The following KIF21A variants were observed in gnomAD, a reference collection of about 807,000 sequenced individuals.
KIF21A encodes the protein kinesin family member 21A.
In KIF21A, 114 loss-of-function variants were observed where a neutral mutation model predicts 202.9. The ratio of observed to expected loss-of-function variants is 0.56; its 90% CI spans 0.48 to 0.66. The LOEUF is 0.66. Among genes scored for constraint, KIF21A ranks in the 30% least tolerant of loss-of-function variants. KIF21A has a pLI of 0.00. For missense variants in KIF21A, 1,677 were observed against 1,994.9 expected (o/e 0.84, Z 3.04); for synonymous variants, 667 against 670.8 (o/e 0.99, Z 0.09).
At chr12:39,339,266 T>A (rs143094562) in intron 16 of KIF21A, among the ~76,000 whole-genome samples, 31 of 152,178 alleles carry the variant, frequency 2.0e-4, no homozygotes, top group South Asian at 8.3e-4. Flanking sequence ...ACCATTTTTT[T>A]ATCTTTTTTA....
intron 1 of KIF21A, among the ~76,000 whole-genome samples, chr12:39,402,039 AAAAC>A (rs371408478): frequency 1.1e-3 from 165 of 152,326 alleles, no homozygotes; most frequent in African/African-American, 3.7e-3. Context: ...TGATAAAACA[AAAAC>A]AAAATCAAAC....
intron 37 of KIF21A, among the ~76,000 whole-genome samples, chr12:39,296,766 G>A (rs1381282675): frequency 6.6e-6 from 1 of 152,190 alleles, no homozygotes; most frequent in Non-Finnish European, 1.5e-5. Flanking sequence ...AAAAGGACAA[G>A]CCAGAGGGTA....
At chr12:39,433,467 AG>A (rs1938241342) in intron 1 of KIF21A, among the ~76,000 whole-genome samples, 1 of 152,222 alleles carries the variant, frequency 6.6e-6, no homozygotes, top group Non-Finnish European at 1.5e-5. Flanking sequence ...TCCACAGCCT[AG>A]TGTAATACTT....
chr12:39,351,957 G>A lies in KIF21A; in HGVS notation c.1493C>T (p.Ala498Val). 6.2e-7 allele frequency: 1 copy of A among 1,612,802 alleles called. No individual in the cohort carries two copies. Among genetic ancestry groups the A allele is most frequent in the Non-Finnish European group, 8.5e-7 (1 of 1,179,092 alleles). Residue 498 changes from alanine (A) to valine (V), a missense_variant, in exon 11 of 38, where the codon GCA becomes GTA. By Grantham distance (64) the Ala-to-Val change is moderately conservative. Coordinates refer to ENST00000361418, the MANE Select transcript of KIF21A (RefSeq NM_001173464.2). ...DLRAKLLESEAVNENLRKNLT... is the reference protein window; with the variant it reads ...DLRAKLLESEVVNENLRKNLT... The stretch of plus-strand genomic sequence containing the variant: ...GTTTTTTCGAAGGTTCTCATTCACT[G>A]CTTCACTTTCTAATAATTTTGCCCT...
chr12:39,312,044 G>C (rs1040365383), intron 31 of KIF21A: 2 of 154,342 alleles, frequency 1.3e-5, no homozygotes, highest in African/African-American at 4.8e-5. Context: ...TGAATGAAAA[G>C]AAATTCTAAA....
chr12:39,383,792 T>C (rs1423732836), intron 1 of KIF21A, among the ~76,000 whole-genome samples: 1 of 151,822 alleles, frequency 6.6e-6, no homozygotes, highest in African/African-American at 2.4e-5. Context: ...GAATGAGACA[T>C]CTCAAAAAAA....
intron 27 of KIF21A, chr12:39,321,281 A>C (rs369324840): frequency 2.2e-4 from 34 of 152,346 alleles, no homozygotes; most frequent in African/African-American, 7.9e-4. Flanking sequence ...GGCAGAGCCC[A>C]AAAGATATTT....
At chr12:39,385,182 C>T (rs1348848822) in intron 1 of KIF21A, among the ~76,000 whole-genome samples, 1 of 152,078 alleles carries the variant, frequency 6.6e-6, no homozygotes, top group Admixed American at 6.6e-5. Context: ...ACAGTTCTTT[C>T]TCAGGAACTA....
chr12:39,320,840 C>A (rs1377497176), intron 27 of KIF21A, among the ~76,000 whole-genome samples: 2 of 140,270 alleles, frequency 1.4e-5, no homozygotes, highest in Non-Finnish European at 1.5e-5. Context: ...GAGGCTGAGG[C>A]AGGAGAATCG....
chr12:39,347,655 C>T (rs1046498963), intron 11 of KIF21A, among the ~76,000 whole-genome samples: 5 of 151,932 alleles, frequency 3.3e-5, no homozygotes, highest in East Asian at 1.9e-4. Context: ...CATTATAAGA[C>T]GAGACTAGCA....
At chr12:39,359,371 T>C (rs1044470155) in intron 7 of KIF21A, among the ~76,000 whole-genome samples, 11 of 152,172 alleles carry the variant, frequency 7.2e-5, no homozygotes, top group Non-Finnish European at 1.5e-4. Flanking sequence ...TCTTTTGCAT[T>C]CTTTATATTA....
chr12:39,325,008 AT>A, intron 26 of KIF21A, among the ~76,000 whole-genome samples: 1 of 152,326 alleles, frequency 6.6e-6, no homozygotes. Flanking sequence ...TATCTCACAC[AT>A]TTAACTGCAT....
intron 1 of KIF21A, among the ~76,000 whole-genome samples, chr12:39,430,411 T>G (rs1356355769): frequency 6.6e-6 from 1 of 151,440 alleles, no homozygotes; most frequent in Non-Finnish European, 1.5e-5. Context: ...ACTAAAAATA[T>G]AAAAATTAGC....
At chr12:39,399,684 T>C (rs1411383996) in intron 1 of KIF21A, among the ~76,000 whole-genome samples, 2 of 152,184 alleles carry the variant, frequency 1.3e-5, no homozygotes, top group Admixed American at 6.5e-5. Context: ...AGCAGGCTAA[T>C]TGGCAAGCTA....
At chr12:39,389,064 A>G (rs1337296213) in intron 1 of KIF21A, among the ~76,000 whole-genome samples, 1 of 152,110 alleles carries the variant, frequency 6.6e-6, no homozygotes, top group Non-Finnish European at 1.5e-5. Context: ...GAAACTTTTC[A>G]TCAGTTAATT....
chr12:39,381,839 G>T (rs1450834741), intron 1 of KIF21A, among the ~76,000 whole-genome samples: 1 of 152,092 alleles, frequency 6.6e-6, no homozygotes, highest in East Asian at 1.9e-4. Flanking sequence ...ATCCTGGGTG[G>T]GCCTGATCTA....
At chr12:39,404,896 T>C (rs1952462614) in intron 1 of KIF21A, among the ~76,000 whole-genome samples, 1 of 152,206 alleles carries the variant, frequency 6.6e-6, no homozygotes, top group Non-Finnish European at 1.5e-5. Flanking sequence ...AAATAGTATA[T>C]ATTCCTTGCT....
At chr12:39,382,178 G>C in intron 1 of KIF21A, among the ~76,000 whole-genome samples, 1 of 152,180 alleles carries the variant, frequency 6.6e-6, no homozygotes, top group East Asian at 1.9e-4. Context: ...GTTACCTCAA[G>C]TTGTGGGGTC....
At chr12:39,335,486 C>T (rs1284919628) in intron 17 of KIF21A, among the ~76,000 whole-genome samples, 2 of 150,070 alleles carry the variant, frequency 1.3e-5, no homozygotes, top group Non-Finnish European at 3.0e-5. Context: ...GCAATGTCCA[C>T]AGGGACAAAA....
Sources: allele counts gnomAD v4.1 joint callset (sites outside exome capture counted in the v4.1 genomes callset), GRCh38; gene constraint gnomAD v4.1.1; transcripts MANE v1.5; gene names NCBI Gene and HGNC (gene_info 2026-07-23, HGNC 2026-07-21).